Variants in ARRB1 observed in about 807,000 individuals in gnomAD.
ARRB1 encodes beta-arrestin-1.
ARRB1 carries 21 observed loss-of-function variants against 56.8 expected under a neutral mutation model. The ratio of observed to expected loss-of-function variants is 0.37; its 90% CI spans 0.26 to 0.53. ARRB1 has a LOEUF of 0.53. ARRB1 is among the 20% of genes least tolerant of loss of function. The pLI, the probability that ARRB1 is intolerant of heterozygous loss-of-function variation, is 0.88. For synonymous variants in ARRB1, 210 were observed against 218.6 expected (o/e 0.96, Z 0.35); for missense variants, 424 against 553.7 (o/e 0.77, Z 2.35).
rs141520224 is a variant in ARRB1, at chr11:75,336,449, C to T, written c.20+15139G>A. 3.8e-4 allele frequency among the ~76,000 whole-genome samples: 58 copies of T among 152,280 alleles called. 1 individual carries two copies. Among genetic ancestry groups the T allele is most frequent in the Admixed American group, 7.2e-4 (11 of 15,292 alleles). On this transcript the variant is annotated intron_variant, in intron 1 of 15. Coordinates refer to ENST00000420843, the MANE Select transcript of ARRB1 (RefSeq NM_004041.5). ...CTCCTCTCAGCGCCCAAGGCAGCCA[C>T]CCAGTGCTTGCCCTGGCCTGTTCAA...
intron 4 of ARRB1, 86 bp downstream of exon 4, chr11:75,284,149 G>A (rs1946419528): frequency 7.3e-7 from 1 of 1,367,754 alleles, no homozygotes; most frequent in Non-Finnish European, 1.0e-6. Flanking sequence ...GGAACCAGTG[G>A]GGATGGGCAG....
intron 4 of ARRB1, among the ~76,000 whole-genome samples, chr11:75,283,735 C>T (rs34849291): frequency 2.4e-3 from 361 of 152,222 alleles, no homozygotes; most frequent in African/African-American, 8.4e-3. Flanking sequence ...CACCTCTCCC[C>T]AGGGCATATG....
rs778420773 is a variant in ARRB1, at chr11:75,277,466, G to A, written c.619-18C>T. 2 of 1,611,328 alleles carry A rather than the reference G, an allele frequency of 1.2e-6. No homozygotes were observed. Among genetic ancestry groups the A allele is most frequent in the South Asian group, 2.2e-5 (2 of 91,030 alleles). On this transcript the variant is annotated intron_variant, in intron 8 of 15. Transcript: ENST00000420843. ...TAATAGATCTGGGGGGCATAAGAAG[G>A]GACGGGGTTGGCTGGGAGGACAGCA...
intron 1 of ARRB1, among the ~76,000 whole-genome samples, chr11:75,320,428 GAGA>G (rs1404845038): frequency 2.0e-5 from 3 of 152,238 alleles, no homozygotes; most frequent in African/African-American, 7.2e-5. Context: ...GAGACCTGTG[GAGA>G]AGGAGGCGGG....
At position 75,260,440 on chromosome 11, in the gene ARRB1, G is replaced by A. The variant is rs1490474618; in HGVS notation, c.*5723C>T. 1 of 152,214 alleles carries A rather than the reference G, an allele frequency of 6.6e-6. No homozygotes were observed. The highest frequency in any genetic ancestry group is 1.5e-5 in the Non-Finnish European group (1 of 68,066). The allele number at this position is 152,214 out of a possible 1,614,324, so 9.4% of individuals were successfully genotyped here. A position where few individuals can be genotyped will look rare whatever the true frequency, so the allele number is the denominator to read the frequency against. ...AACACTGAGCAGAGATGCCCGGGAA[G>A]ATGGCACTTCCTATGCTCGTTCCCA... On this transcript the variant is annotated 3_prime_UTR_variant, in exon 16 of 16. Coordinates refer to ENST00000420843, the MANE Select transcript of ARRB1 (RefSeq NM_004041.5).
chr11:75,305,484 T>G lies in ARRB1; in HGVS notation c.21-15445A>C, dbSNP rs541496685. Among the ~76,000 whole-genome samples, 27 of 152,336 alleles carry G rather than the reference T, an allele frequency of 1.8e-4. 1 individual carries two copies. The South Asian group carries it at 5.6e-3, about 32-fold the overall frequency. ...TGTCTACTGTTCATCTCTTCCCAAC[T>G]GCACATTCAGTGACTTCACACTGGT... On this transcript the variant is annotated intron_variant, in intron 1 of 15. Coordinates refer to ENST00000420843, the MANE Select transcript of ARRB1 (RefSeq NM_004041.5).
Position 75,269,010 on chromosome 11 carries a change from G to A in ARRB1, c.1023-51C>T, listed in dbSNP as rs111660907. 2.9e-5 allele frequency: 45 copies of A among 1,574,508 alleles called. No homozygotes were observed. The African/African-American group carries it at 4.6e-4, about 16-fold the overall frequency. On this transcript the variant is annotated intron_variant, in intron 13 of 15. Coordinates refer to ENST00000420843, the MANE Select transcript of ARRB1 (RefSeq NM_004041.5). ...AGCCTTGAGCGGACTCACAGGCTGT[G>A]AGACTTGATGTCGATGCCCTGTCAG...
intron 1 of ARRB1, among the ~76,000 whole-genome samples, chr11:75,298,634 T>C (rs1946819508): frequency 6.6e-6 from 1 of 152,184 alleles, no homozygotes; most frequent in South Asian, 2.1e-4. Context: ...GGCAGTTCCT[T>C]TAAAAGTTAA....
chr11:75,267,605 C>T (rs200693954), intron 15 of ARRB1, 47 bp downstream of exon 15: 112 of 1,276,502 alleles, frequency 8.8e-5, no homozygotes, highest in South Asian at 7.9e-4. Context: ...TCCACCCCGC[C>T]CACCCGCGGC....
chr11:75,281,724 G>A (rs1946346883), intron 6 of ARRB1: 4 of 534,594 alleles, frequency 7.5e-6, no homozygotes, highest in African/African-American at 1.9e-5. Flanking sequence ...TGCAGCCAAC[G>A]CCACCCAGGA....
intron 13 of ARRB1, 80 bp downstream of exon 13, chr11:75,271,621 C>G: frequency 7.0e-7 from 1 of 1,438,592 alleles, no homozygotes; most frequent in Non-Finnish European, 9.4e-7. Context: ...ACCCAGTGCC[C>G]TGTGATTCTG....
At chr11:75,299,933 G>C (rs565232818) in intron 1 of ARRB1, among the ~76,000 whole-genome samples, 2 of 152,144 alleles carry the variant, frequency 1.3e-5, no homozygotes, top group Non-Finnish European at 2.9e-5. Context: ...TAGGACAGGC[G>C]CAGTGGCTGA....
chr11:75,269,995 G>A (rs528833), intron 13 of ARRB1, among the ~76,000 whole-genome samples: 50,418 of 152,208 alleles, frequency 0.33, 10,297 homozygotes, highest in Admixed American at 0.44. Flanking sequence ...AGTTGGGAAA[G>A]AGGAAGGGAC....
At chr11:75,337,752 C>T (rs1426028609) in intron 1 of ARRB1, among the ~76,000 whole-genome samples, 1 of 148,986 alleles carries the variant, frequency 6.7e-6, no homozygotes, top group Non-Finnish European at 1.5e-5. Flanking sequence ...AGCAGGTGCC[C>T]TGTGCAGTTG....
chr11:75,312,904 AG>A (rs1429184998), intron 1 of ARRB1, among the ~76,000 whole-genome samples: 1 of 152,238 alleles, frequency 6.6e-6, no homozygotes, highest in East Asian at 1.9e-4. Context: ...AACCCATTTC[AG>A]GACTTTGGAC....
rs558982143 is a variant in ARRB1, at chr11:75,268,265, G to A, written c.1094-562C>T. ...CATGCCTGTAATCCCAGCACTTTGGGAGGTTGAGGCGGGAAGATCACCTGA... is the reference window on the plus strand; with the variant it reads ...CATGCCTGTAATCCCAGCACTTTGGAAGGTTGAGGCGGGAAGATCACCTGA... On this transcript the variant is annotated intron_variant, in intron 14 of 15. Transcript: ENST00000420843. 2.0e-5 allele frequency among the ~76,000 whole-genome samples: 3 copies of A among 152,236 alleles called. No homozygotes were observed. In the East Asian group the frequency reaches 5.8e-4, roughly 29 times the overall value.
At chr11:75,275,919 C>T (rs1325557948) in intron 10 of ARRB1, among the ~76,000 whole-genome samples, 2 of 152,220 alleles carry the variant, frequency 1.3e-5, no homozygotes, top group African/African-American at 2.4e-5. Context: ...TTATATGTTA[C>T]TCTGGTTCTA....
chr11:75,273,539 C>T (rs1001026969), intron 11 of ARRB1, among the ~76,000 whole-genome samples: 3 of 152,256 alleles, frequency 2.0e-5, no homozygotes, highest in Middle Eastern at 3.4e-3. Context: ...CTGCTCTAGA[C>T]GTAGGCCAAA....
rs1480069692 is a variant in ARRB1, at chr11:75,261,167, CCAT to C, written c.*4993_*4995del. 1 of 148,826 alleles carries C rather than the reference CCAT, an allele frequency of 6.7e-6. No individual in the cohort carries two copies. The highest frequency in any genetic ancestry group is 2.0e-4 in the East Asian group (1 of 5,054). 9.2% of individuals were successfully genotyped at this position (148,826 alleles called of 1,614,324 possible). On this transcript the variant is annotated 3_prime_UTR_variant, in exon 16 of 16. Transcript: ENST00000420843. ...CTTCAGGGTGGGTTGGCTAGAAAAA[CCAT>C]CAACTATGTACGTGTGTGTGTGTGT...
Sources: allele counts gnomAD v4.1 joint callset (sites outside exome capture counted in the v4.1 genomes callset), GRCh38; gene constraint gnomAD v4.1.1; transcripts MANE v1.5; gene names NCBI Gene and HGNC (gene_info 2026-07-23, HGNC 2026-07-21).